The following MIER2 variants were observed in gnomAD, a reference collection of about 807,000 sequenced individuals.
The protein encoded by MIER2 is MIER family member 2, also known as mesoderm induction early response protein 2.
A neutral mutation model predicts 67.6 loss-of-function variants in MIER2; 30 were observed. The ratio of observed to expected loss-of-function variants is 0.44; its 90% CI spans 0.33 to 0.60. The LOEUF is 0.60. Ranked by LOEUF, MIER2 falls within the 20% of genes least tolerant of loss-of-function variation. The pLI is 0.02. For synonymous variants in MIER2, 372 were observed against 312.6 expected, an observed-to-expected ratio of 1.19 and a Z score of -2.00; for missense variants, 702 against 745.1, an observed-to-expected ratio of 0.94 and a Z score of 0.67.
chr19:307,018 G>A (rs1970680047), intron 13 of MIER2, 101 bp downstream of exon 13: 4 of 1,369,238 alleles, frequency 2.9e-6, no homozygotes, highest in African/African-American at 1.4e-5. Context: ...CTGTCCTCGG[G>A]TCCTTGGGGC....
rs1184618842 is a variant in MIER2 at position 306,533 on chromosome 19, C to T, written c.*157G>A. On this transcript the variant is annotated 3_prime_UTR_variant, in exon 14 of 14. Transcript: ENST00000264819. The stretch of plus-strand genomic sequence containing the variant: ...GTGGACAGGGGCAAGGGCTCACGGC[C>T]CAGCCACCTCACCCCAGTCCTGACG... 15 of 1,034,560 alleles carry T rather than the reference C, an allele frequency of 1.4e-5. No individual in the cohort carries two copies. Among genetic ancestry groups the T allele is most frequent in the East Asian group, 2.6e-5 (1 of 38,492 alleles). The allele number at this position is 1,034,560 out of a possible 1,614,324, so 64.1% of individuals were successfully genotyped here.
intron 1 of MIER2, among the ~76,000 whole-genome samples, chr19:340,214 G>A (rs1057467954): frequency 3.3e-5 from 5 of 152,190 alleles, no homozygotes; most frequent in African/African-American, 4.8e-5. Context: ...TCAGGCCAGC[G>A]GCTTGCAAAC....
intron 10 of MIER2, among the ~76,000 whole-genome samples, chr19:311,114 C>T (rs1030011363): frequency 3.9e-5 from 6 of 152,240 alleles, no homozygotes; most frequent in African/African-American, 9.6e-5. Context: ...AAATGGAGCA[C>T]GGTCCCAGGA....
Position 306,834 on chromosome 19 carries a change from C to T in MIER2, c.1617-123G>A, listed in dbSNP as rs372664155. On this transcript the variant is annotated intron_variant, in intron 13 of 13. Transcript: ENST00000264819. ...TTGCCTCCCCCACAGCCTATGGCAG[C>T]CGGGCCCGGGGTGCCCTGAGGGGAG... The T allele has an allele frequency of 3.5e-5, 51 of 1,475,126 alleles. 1 individual carries two copies. In the South Asian group the frequency reaches 5.3e-4, roughly 15 times the overall value. 91.4% of individuals were successfully genotyped at this position (1,475,126 alleles called of 1,614,324 possible). A position where few individuals can be genotyped will look rare whatever the true frequency, so the allele number is the denominator to read the frequency against.
At chr19:310,411 ACTGG>A (rs1384882890) in intron 10 of MIER2, among the ~76,000 whole-genome samples, 2 of 152,202 alleles carry the variant, frequency 1.3e-5, no homozygotes, top group Non-Finnish European at 2.9e-5. Context: ...TGAAATACGC[ACTGG>A]CTCAGGCTGA....
chr19:307,042 C>T, intron 13 of MIER2, 77 bp downstream of exon 13: 5 of 1,475,318 alleles, frequency 3.4e-6, no homozygotes, highest in Non-Finnish European at 4.5e-6. Context: ...TGCCTCCCAC[C>T]CTCCTCTGCT....
Position 339,545 on chromosome 19 carries a change from T to G in MIER2, c.10-3372A>C, listed in dbSNP as rs578147280. 5.9e-5 allele frequency among the ~76,000 whole-genome samples: 9 copies of G among 152,230 alleles called. No homozygotes were observed. The East Asian group carries it at 1.7e-3, about 29-fold the overall frequency. On this transcript the variant is annotated intron_variant, in intron 1 of 13. Coordinates refer to ENST00000264819, the MANE Select transcript of MIER2 (RefSeq NM_017550.3). ...CCACTTTGGAAAATAGTCCAGCAAT[T>G]CCTCCAAAAGTTAAATAGTATTTAA...
intron 7 of MIER2, 84 bp downstream of exon 7, chr19:325,551 C>T (rs1971700499): frequency 1.3e-6 from 2 of 1,513,986 alleles, no homozygotes; most frequent in South Asian, 2.3e-5. Flanking sequence ...GGGACCTGAC[C>T]AGACTGTCCA....
chr19:312,003 C>T (rs1453444452), intron 9 of MIER2, 64 bp from the exon 10 acceptor site: 1 of 1,333,750 alleles, frequency 7.5e-7, no homozygotes. Context: ...GGAAGGAAGG[C>T]CCAGGCCGGG....
chr19:343,272 G>A (rs1019197894), intron 1 of MIER2, among the ~76,000 whole-genome samples: 1 of 152,170 alleles, frequency 6.6e-6, no homozygotes, highest in Non-Finnish European at 1.5e-5. Flanking sequence ...TGCCATCCCA[G>A]ACACAGAGCT....
rs779431208 is a variant in MIER2 at position 327,930 on chromosome 19, G to C, written c.303C>G (p.Pro101=). 6 of 1,612,976 alleles carry C rather than the reference G, an allele frequency of 3.7e-6. No homozygotes were observed. In the African/African-American group the frequency reaches 8.0e-5, roughly 22 times the overall value. ...CACCCTCACTCTCCCGGTCTGAAAT[G>C]GGGTCTGACGCCTCGTAGCCATAGA... ...LALYGYEASD[P]ISDRESEGGD... The change falls in exon 4 of 14, where the codon CCC becomes CCG. Residue 101 remains proline, a synonymous_variant. Transcript: ENST00000264819.
In MIER2 at chr19:307,146, G is replaced by T; in HGVS notation, c.1589C>A (p.Pro530His). 6.3e-7 allele frequency: 1 copy of T among 1,587,664 alleles called. No individual in the cohort carries two copies. Among genetic ancestry groups the T allele is most frequent in the East Asian group, 2.3e-5 (1 of 43,716 alleles). Residue 530 changes from proline to histidine, a missense_variant, in exon 13 of 14, where the codon CCC (proline) becomes CAC (histidine). Around this residue, in one of 3 missense-constraint regions of MIER2, gnomAD observed 254 missense variants for 262.8 expected, o/e 0.97. Transcript: ENST00000264819. The part of the protein sequence containing the change: ...FLAAHPTCPA[P>H]GLHSEPLSHC... ...TGACAGGGGCTCCGAGTGTAGCCCG[G>T]GGGCCGGGCACGTGGGGTGGGCGGC... is the stretch of plus-strand genomic sequence containing the variant.
At position 343,973 on chromosome 19, in the gene MIER2, G is replaced by GT. The variant is rs80247467; in HGVS notation, c.9+800dup. 1,110 of 985,420 alleles carry GT rather than the reference G, an allele frequency of 1.1e-3. 18 individuals are homozygous for GT. In the East Asian group the frequency reaches 0.04, roughly 35 times the overall value. 61.0% of individuals were successfully genotyped at this position (985,420 alleles called of 1,614,324 possible). A position where few individuals can be genotyped will look rare whatever the true frequency, so the allele number is the denominator to read the frequency against. On this transcript the variant is annotated intron_variant, in intron 1 of 13. Coordinates refer to ENST00000264819, the MANE Select transcript of MIER2 (RefSeq NM_017550.3). Reference sequence around the variant, plus strand: ...GTTGTCTTATCCTAGACAGTCCTAGGTGGGTTTGATCAAACATCACAGTCC... The same window carrying GT: ...GTTGTCTTATCCTAGACAGTCCTAGGTTGGGTTTGATCAAACATCACAGTCC...
intron 7 of MIER2, among the ~76,000 whole-genome samples, chr19:318,865 G>A (rs996347153): frequency 1.3e-5 from 2 of 152,018 alleles, no homozygotes; most frequent in Non-Finnish European, 2.9e-5. Flanking sequence ...GACCATCCTG[G>A]CTAACACAGT....
rs772881235 is a variant in MIER2, at chr19:306,672, G to A, written c.*18C>T. 9.0e-6 allele frequency: 14 copies of A among 1,553,722 alleles called. No homozygotes were observed. The highest frequency in any genetic ancestry group is 1.7e-4 in the Middle Eastern group (1 of 6,016). On this transcript the variant is annotated 3_prime_UTR_variant, in exon 14 of 14. Transcript: ENST00000264819. ...GCTAAGTCCAGTCTGGGCCGCATAC[G>A]CCGCCCGCGGCCAGGAGTCAGCAGG...
chr19:310,673 GA>G (rs1970949115), intron 10 of MIER2, among the ~76,000 whole-genome samples: 1 of 147,782 alleles, frequency 6.8e-6, no homozygotes, highest in Non-Finnish European at 1.5e-5. Context: ...CGAAGCTCCA[GA>G]AACACAGCCC....
chr19:344,656 C>G (rs1216847902), intron 1 of MIER2, 118 bp downstream of exon 1: 2 of 677,506 alleles, frequency 3.0e-6, no homozygotes, highest in African/African-American at 2.0e-5. Flanking sequence ...CCCGGCCGGC[C>G]TCAGAGCTCC....
intron 1 of MIER2, among the ~76,000 whole-genome samples, chr19:340,974 C>T (rs1437023539): frequency 6.6e-6 from 1 of 152,216 alleles, no homozygotes; most frequent in Non-Finnish European, 1.5e-5. Flanking sequence ...ACGCCTCCTG[C>T]CCTGGGGTTG....
intron 3 of MIER2, among the ~76,000 whole-genome samples, chr19:331,179 G>A (rs1475173633): frequency 6.6e-6 from 1 of 151,690 alleles, no homozygotes; most frequent in Non-Finnish European, 1.5e-5. Flanking sequence ...GGCCAACATG[G>A]TAAAACCTCG....
Sources: gnomAD v4.1 joint callset for allele counts (sites outside exome capture counted in the v4.1 genomes callset) on GRCh38, gnomAD v4.1.1 for gene constraint, gnomAD v4.1.1 regional missense constraint, MANE v1.5 for transcripts, NCBI Gene and HGNC (gene_info 2026-07-23, HGNC 2026-07-21) for gene names.